GLE1: variants seen among roughly 807,000 people sequenced by gnomAD.
GLE1 encodes the protein mRNA export factor GLE1.
GLE1 carries 78 observed loss-of-function variants against 97.3 expected under a neutral mutation model. That is an observed-to-expected ratio of 0.80 (90% CI 0.67 to 0.97). The LOEUF (loss-of-function observed/expected upper bound fraction) is 0.97, where lower values mean the gene tolerates loss of function less well. Ranked by LOEUF, GLE1 falls within the 50% of genes least tolerant of loss-of-function variation. The pLI is 0.00. For synonymous variants in GLE1, 302 were observed against 313.4 expected (o/e 0.96, Z 0.39); for missense variants, 753 against 857.5 (o/e 0.88, Z 1.52).
chr9:128,539,192 C>G (rs1404537428), intron 13 of GLE1, among the ~76,000 whole-genome samples: 1 of 152,212 alleles, frequency 6.6e-6, no homozygotes, highest in Admixed American at 6.5e-5. Flanking sequence ...TGTGATCATG[C>G]CAGTGTCCTC....
intron 1 of GLE1, among the ~76,000 whole-genome samples, chr9:128,506,725 C>T (rs1170679384): frequency 6.6e-6 from 1 of 152,134 alleles, no homozygotes; most frequent in South Asian, 2.1e-4. Flanking sequence ...GTACACACAT[C>T]ACCACACACA....
At chr9:128,528,806 G>C (rs550597435) in intron 9 of GLE1, 5 of 152,282 alleles carry the variant, frequency 3.3e-5, no homozygotes, top group African/African-American at 1.2e-4. Context: ...TTTCTCTCCA[G>C]AGACTGAGGT....
At chr9:128,527,392 T>C (rs1673361310) in intron 8 of GLE1, 64 bp from the exon 9 acceptor site, 9 of 1,320,506 alleles carry the variant, frequency 6.8e-6, no homozygotes, top group Non-Finnish European at 9.9e-6. Context: ...TCACTTTACC[T>C]GATTCTAAGT....
intron 15 of GLE1, 180 bp downstream of exon 15, chr9:128,540,518 TTTA>T: frequency 1.6e-6 from 1 of 642,870 alleles, no homozygotes; most frequent in Admixed American, 2.2e-5. Context: ...TTTCCTCTTC[TTTA>T]TATGTATCAT....
At chr9:128,514,017 C>CAA (rs35379717) in intron 2 of GLE1, among the ~76,000 whole-genome samples, 4 of 95,794 alleles carry the variant, frequency 4.2e-5, no homozygotes, top group Non-Finnish European at 6.8e-5. Context: ...GACTCCATCT[C>CAA]AAAAAAAAAA....
At chr9:128,531,155 G>A (rs1191325844) in intron 9 of GLE1, among the ~76,000 whole-genome samples, 1 of 149,482 alleles carries the variant, frequency 6.7e-6, no homozygotes, top group Non-Finnish European at 1.5e-5. Flanking sequence ...CAGAAGTTGC[G>A]GTGATCTGAG....
intron 4 of GLE1, 72 bp from the exon 5 acceptor site, chr9:128,523,208 A>G: frequency 9.2e-7 from 1 of 1,092,608 alleles, no homozygotes; most frequent in South Asian, 1.2e-5. Flanking sequence ...AGGGAGAGGG[A>G]GAGAAAAGAA....
At chr9:128,511,077 G>C (rs925346707) in intron 2 of GLE1, among the ~76,000 whole-genome samples, 5 of 150,844 alleles carry the variant, frequency 3.3e-5, no homozygotes, top group Non-Finnish European at 7.4e-5. Context: ...CGTGGCGCAC[G>C]CCTGTAATCC....
chr9:128,505,452 A>T (rs370301861), intron 1 of GLE1, among the ~76,000 whole-genome samples: 196 of 152,316 alleles, frequency 1.3e-3, no homozygotes, highest in Middle Eastern at 6.8e-3. Context: ...GCTACAGATA[A>T]GGCGTTGTCC....
intron 9 of GLE1, 118 bp downstream of exon 9, chr9:128,527,643 G>T: frequency 1.3e-6 from 1 of 743,618 alleles, no homozygotes; most frequent in Non-Finnish European, 2.4e-6. Context: ...TTTACAGTTG[G>T]ATCGGGTACA....
intron 13 of GLE1, among the ~76,000 whole-genome samples, chr9:128,538,385 G>A (rs964739520): frequency 2.0e-5 from 3 of 152,322 alleles, no homozygotes; most frequent in East Asian, 3.9e-4. Flanking sequence ...CTCCCAGGCC[G>A]GGTGCGGTGG....
intron 9 of GLE1, among the ~76,000 whole-genome samples, chr9:128,530,937 A>C (rs1416779653): frequency 6.7e-6 from 1 of 149,906 alleles, no homozygotes; most frequent in East Asian, 2.0e-4. Context: ...GGCCGGGCAC[A>C]GTGGCTCACG....
intron 2 of GLE1, among the ~76,000 whole-genome samples, chr9:128,515,193 A>T (rs1846945720): frequency 6.6e-6 from 1 of 152,170 alleles, no homozygotes; most frequent in African/African-American, 2.4e-5. Context: ...TAGGTTGGGG[A>T]TACTCCATCC....
At position 128,541,363 on chromosome 9, in the gene GLE1, G is replaced by C. The variant is rs569968675; in HGVS notation, c.*193G>C. On this transcript the variant is annotated 3_prime_UTR_variant, in exon 16 of 16. Coordinates refer to ENST00000309971, the MANE Select transcript of GLE1 (RefSeq NM_001003722.2). ...TTCTTGGAGGTCCCTTAGTAGATTT[G>C]GTAGTTCCTTAAGAGATCCACGTGA... 7.4e-5 allele frequency: 45 copies of C among 605,242 alleles called. 1 individual carries two copies. The highest frequency in any genetic ancestry group is 5.3e-4 in the South Asian group (27 of 50,766). 37.5% of individuals were successfully genotyped at this position (605,242 alleles called of 1,614,324 possible).
intron 11 of GLE1, among the ~76,000 whole-genome samples, chr9:128,535,637 A>G (rs1267515634): frequency 1.3e-5 from 2 of 151,902 alleles, no homozygotes; most frequent in East Asian, 1.9e-4. Flanking sequence ...CCTGGCCAAC[A>G]TGGTGAAACC....
chr9:128,527,466 T>TA lies in GLE1; in HGVS notation c.1256dup (p.Met420AspfsTer27). ...GTTCTCTTCTGGCAGGCCAAAAAGA[T>TA]AAAGATGGACCTCCAGAAGGCTGCT... On this transcript the variant is annotated frameshift_variant, in exon 9 of 16. Transcript: ENST00000309971. LOFTEE classifies it high-confidence loss of function. 1 of 1,612,618 alleles carries TA rather than the reference T, an allele frequency of 6.2e-7. No homozygotes were observed. Among genetic ancestry groups the TA allele is most frequent in the Non-Finnish European group, 8.5e-7 (1 of 1,178,668 alleles).
At chr9:128,535,891 A>AG (rs1305486263) in intron 11 of GLE1, among the ~76,000 whole-genome samples, 1 of 151,848 alleles carries the variant, frequency 6.6e-6, no homozygotes, top group Non-Finnish European at 1.5e-5. Flanking sequence ...CGGGAGGATC[A>AG]CTTGAACCTG....
chr9:128,506,344 C>CA lies in GLE1; in HGVS notation c.99+1451dup, dbSNP rs71495697. Among the ~76,000 whole-genome samples, 566 of 140,264 alleles carry CA rather than the reference C, an allele frequency of 4.0e-3. 3 individuals are homozygous for CA. The highest frequency in any genetic ancestry group is 6.4e-3 in the Admixed American group (90 of 14,046). The allele number at this position is 140,264 out of a possible 152,430, so 92.0% of individuals were successfully genotyped here. A position where few individuals can be genotyped will look rare whatever the true frequency, so the allele number is the denominator to read the frequency against. On this transcript the variant is annotated intron_variant, in intron 1 of 15. Transcript: ENST00000309971. Reference sequence around the variant, plus strand: ...TGGGTGACAGAGTGAGACTGTGTCTCAAAAAAAAAAATGTAGCCTTGTAAA... The same window carrying CA: ...TGGGTGACAGAGTGAGACTGTGTCTCAAAAAAAAAAAATGTAGCCTTGTAAA...
chr9:128,507,063 C>T (rs1589039006), intron 1 of GLE1, among the ~76,000 whole-genome samples: 1 of 152,158 alleles, frequency 6.6e-6, no homozygotes, highest in African/African-American at 2.4e-5. Flanking sequence ...GCCTCCAGTT[C>T]TGGAACTTAC....
Sources: allele counts gnomAD v4.1 joint callset (sites outside exome capture counted in the v4.1 genomes callset), GRCh38; gene constraint gnomAD v4.1.1; transcripts MANE v1.5; gene names NCBI Gene and HGNC (gene_info 2026-07-23, HGNC 2026-07-21).